Variants in SLC26A7 observed in about 807,000 individuals in gnomAD.
The protein encoded by SLC26A7 is solute carrier family 26 member 7.
SLC26A7 carries 59 observed loss-of-function variants against 82.5 expected under a neutral mutation model. That is an observed-to-expected ratio of 0.72 (90% CI 0.58 to 0.89). The LOEUF (loss-of-function observed/expected upper bound fraction) is 0.89. Ranked by LOEUF, SLC26A7 falls within the 40% of genes least tolerant of loss-of-function variation. The probability of loss-of-function intolerance (pLI) is 0.00; values close to 1 mark genes in which losing one functional copy is unlikely to be tolerated. For synonymous variants in SLC26A7, 271 were observed against 274.3 expected (o/e 0.99, Z 0.12); for missense variants, 820 against 793.0 (o/e 1.03, Z -0.41).
intron 11 of SLC26A7, among the ~76,000 whole-genome samples, chr8:91,359,901 T>C (rs1814002307): frequency 6.8e-6 from 1 of 148,130 alleles, no homozygotes; most frequent in East Asian, 1.9e-4. Context: ...TGTGTGCGCA[T>C]GTGTGTGTAA....
chr8:91,257,010 C>G (rs1810822117), intron 2 of SLC26A7, among the ~76,000 whole-genome samples: 2 of 152,094 alleles, frequency 1.3e-5, no homozygotes, highest in South Asian at 4.1e-4. Flanking sequence ...GGGGCTGACT[C>G]TGAGCCTCCC....
intron 5 of SLC26A7, among the ~76,000 whole-genome samples, chr8:91,328,807 T>A (rs916053419): frequency 2.6e-5 from 4 of 152,088 alleles, no homozygotes; most frequent in African/African-American, 7.2e-5. Context: ...GAAAAAAGCC[T>A]CACATCTAAA....
chr8:91,348,131 G>T (rs1173588216), intron 9 of SLC26A7, among the ~76,000 whole-genome samples: 2 of 152,212 alleles, frequency 1.3e-5, no homozygotes, highest in Non-Finnish European at 2.9e-5. Flanking sequence ...GATTGTCTCC[G>T]CATTCTAATT....
rs2130831143 is a variant in SLC26A7 at position 91,334,402 on chromosome 8, G to C, written c.750G>C (p.Gln250His). Residue 250 changes from glutamine to histidine, a missense_variant, in exon 6 of 19, where the codon CAG becomes CAC. Transcript: ENST00000276609. The part of the protein sequence containing the change: ...VLVLVKELNE[Q>H]FKRKIKVVLP... Reference sequence around the variant, plus strand: ...TTCTTGTTAAAGAGCTGAATGAACAGTTTAAAAGGAAAATTAAAGTTGTTC... The same window carrying C: ...TTCTTGTTAAAGAGCTGAATGAACACTTTAAAAGGAAAATTAAAGTTGTTC... 6.2e-7 allele frequency: 1 copy of C among 1,613,148 alleles called. No individual in the cohort carries two copies. The highest frequency in any genetic ancestry group is 8.5e-7 in the Non-Finnish European group (1 of 1,179,478).
intron 14 of SLC26A7, among the ~76,000 whole-genome samples, chr8:91,367,672 T>A (rs576888810): frequency 3.3e-5 from 5 of 152,188 alleles, no homozygotes; most frequent in Non-Finnish European, 7.3e-5. Flanking sequence ...ATTAAATGAG[T>A]TAATAAAGGC....
intron 2 of SLC26A7, among the ~76,000 whole-genome samples, chr8:91,267,297 C>T (rs545196285): frequency 7.9e-5 from 12 of 151,976 alleles, no homozygotes; most frequent in African/African-American, 2.9e-4. Flanking sequence ...GTATTCTCTC[C>T]TCTTCAACTG....
At chr8:91,232,659 T>G (rs1336321396) in intron 2 of SLC26A7, among the ~76,000 whole-genome samples, 1 of 152,182 alleles carries the variant, frequency 6.6e-6, no homozygotes, top group African/African-American at 2.4e-5. Context: ...GTGGGGAGAC[T>G]TAGTGATGAT....
Position 91,369,820 on chromosome 8 carries a change from T to C in SLC26A7, c.1662T>C (p.Asn554=). The C allele has an allele frequency of 6.2e-6, 10 of 1,604,060 alleles. No homozygotes were observed. Among genetic ancestry groups the C allele is most frequent in the Non-Finnish European group, 8.5e-6 (10 of 1,175,258 alleles). The change falls in exon 15 of 19, where the codon AAT becomes AAC. Residue 554 remains asparagine, a synonymous_variant. Coordinates refer to ENST00000276609, the MANE Select transcript of SLC26A7 (RefSeq NM_052832.4). The stretch of plus-strand genomic sequence containing the variant: ...ACACATTGCTTAATTCCCTATCCAA[T>C]GGCAACTGCAATGGTGAGTTAGCTT... ...EQNTLLNSLS[N]GNCNEEASQS... is the part of the protein sequence containing the mutation.
chr8:91,280,501 A>G (rs1811541187), intron 2 of SLC26A7, among the ~76,000 whole-genome samples: 1 of 152,030 alleles, frequency 6.6e-6, no homozygotes, highest in African/African-American at 2.4e-5. Context: ...ACCAAGATCC[A>G]TTTGCTCCTC....
chr8:91,364,793 A>C (rs1368106251), intron 13 of SLC26A7, among the ~76,000 whole-genome samples: 1 of 152,212 alleles, frequency 6.6e-6, no homozygotes, highest in Non-Finnish European at 1.5e-5. Context: ...GAAGATGAAA[A>C]TGCTAGAAAT....
At chr8:91,279,422 CA>C (rs1208575784) in intron 2 of SLC26A7, among the ~76,000 whole-genome samples, 2 of 152,092 alleles carry the variant, frequency 1.3e-5, no homozygotes, top group East Asian at 3.8e-4. Context: ...CAACAGCATA[CA>C]TGGCTTTCCT....
At chr8:91,338,814 T>C (rs541813422) in intron 7 of SLC26A7, among the ~76,000 whole-genome samples, 37 of 151,970 alleles carry the variant, frequency 2.4e-4, no homozygotes, top group Non-Finnish European at 4.9e-4. Context: ...AAAATAAAAA[T>C]ATATGAGGGA....
At chr8:91,280,946 G>A (rs527247527) in intron 2 of SLC26A7, among the ~76,000 whole-genome samples, 1 of 152,180 alleles carries the variant, frequency 6.6e-6, no homozygotes, top group African/African-American at 2.4e-5. Context: ...GCCACAACCT[G>A]GATATCTGTG....
intron 4 of SLC26A7, among the ~76,000 whole-genome samples, chr8:91,304,504 G>A (rs772996409): frequency 6.6e-6 from 1 of 152,184 alleles, no homozygotes; most frequent in Non-Finnish European, 1.5e-5. Flanking sequence ...TACCTGTGCA[G>A]CCTGTGGAAC....
intron 2 of SLC26A7, 23 bp from the exon 3 acceptor site, chr8:91,289,113 A>G (rs1811792177): frequency 1.3e-6 from 2 of 1,557,174 alleles, no homozygotes; most frequent in Non-Finnish European, 1.8e-6. Flanking sequence ...AGGTGGTTTT[A>G]ATTACCCTAG....
Position 91,366,669 on chromosome 8 carries a change from G to T in SLC26A7, c.1578G>T (p.Met526Ile). 1 of 1,613,410 alleles carries T rather than the reference G, an allele frequency of 6.2e-7. No homozygotes were observed. The highest frequency in any genetic ancestry group is 8.5e-7 in the Non-Finnish European group (1 of 1,179,810). ...AATTTTATACTGATTTAATGAACAT[G>T]ATCCAAAAGGAAAATGCCTGTAATC... The part of the protein sequence containing the change: ...AKKFYTDLMN[M>I]IQKENACNQP... Residue 526 changes from methionine (M) to isoleucine (I), a missense_variant, in exon 14 of 19, where the codon ATG (methionine) becomes ATT (isoleucine). Met to Ile is a conservative substitution (Grantham distance 10). Coordinates refer to ENST00000276609, the MANE Select transcript of SLC26A7 (RefSeq NM_052832.4).
intron 5 of SLC26A7, among the ~76,000 whole-genome samples, chr8:91,325,100 G>T (rs1315263797): frequency 6.6e-6 from 1 of 152,140 alleles, no homozygotes; most frequent in Non-Finnish European, 1.5e-5. Context: ...CAGAATATAG[G>T]TTTAATAGTG....
rs1051372457 is a variant in SLC26A7 at position 91,249,704 on chromosome 8, C to T, written c.53C>T (p.Thr18Ile). 8 of 1,587,382 alleles carry T rather than the reference C, an allele frequency of 5.0e-6. No homozygotes were observed. The highest frequency in any genetic ancestry group is 3.6e-5 in the Admixed American group (2 of 55,868). Reference sequence around the variant, plus strand: ...AGCATGCTTTGGAGCAAGATGCATACCCCCCAGTGTGAAGACATTATACAG... The same window carrying T: ...AGCATGCTTTGGAGCAAGATGCATATCCCCCAGTGTGAAGACATTATACAG... ...KKSMLWSKMHTPQCEDIIQWC... is the reference protein window; with the variant it reads ...KKSMLWSKMHIPQCEDIIQWC... Residue 18 changes from threonine (T) to isoleucine (I), a missense_variant, in exon 2 of 19, where the codon ACC (threonine) becomes ATC (isoleucine). Thr to Ile is a moderately conservative substitution (Grantham distance 89). Coordinates refer to ENST00000276609, the MANE Select transcript of SLC26A7 (RefSeq NM_052832.4).
chr8:91,227,270 C>T (rs1266210428), intron 2 of SLC26A7, among the ~76,000 whole-genome samples: 1 of 152,146 alleles, frequency 6.6e-6, no homozygotes, highest in Non-Finnish European at 1.5e-5. Flanking sequence ...TTCAATTTTT[C>T]TCCTGTTTTG....
Sources: gnomAD v4.1 joint callset for allele counts (sites outside exome capture counted in the v4.1 genomes callset) on GRCh38, gnomAD v4.1.1 for gene constraint, MANE v1.5 for transcripts, NCBI Gene and HGNC (gene_info 2026-07-23, HGNC 2026-07-21) for gene names.